Variants in ZNF283 observed in about 807,000 individuals in gnomAD.
The protein encoded by ZNF283 is zinc finger protein 283, also known as zinc finger protein 41.
ZNF283 carries 10 observed loss-of-function variants against 9.2 expected under a neutral mutation model. The ratio of observed to expected loss-of-function variants is 1.09; its 90% CI spans 0.67 to 1.85. The LOEUF (loss-of-function observed/expected upper bound fraction) is 1.85. ZNF283 is among the 40% of genes most tolerant of loss of function. ZNF283 has a pLI of 0.00. For missense variants in ZNF283, 631 were observed against 760.1 expected (o/e 0.83, Z 2.00); for synonymous variants, 234 against 244.1 (o/e 0.96, Z 0.38).
intron 6 of ZNF283, among the ~76,000 whole-genome samples, chr19:43,838,531 AGGT>A (rs1971072085): frequency 6.6e-6 from 1 of 152,152 alleles, no homozygotes; most frequent in Non-Finnish European, 1.5e-5. Flanking sequence ...GGGGAGGCTG[AGGT>A]GGCTGGATTG....
chr19:43,828,811 A>G (rs1338046261), intron 2 of ZNF283, among the ~76,000 whole-genome samples: 1 of 152,142 alleles, frequency 6.6e-6, no homozygotes, highest in African/African-American at 2.4e-5. Flanking sequence ...GTGAGCCACC[A>G]TGCCTGGCCC....
intron 4 of ZNF283, among the ~76,000 whole-genome samples, chr19:43,834,615 A>T (rs1441099994): frequency 1.3e-5 from 2 of 151,670 alleles, no homozygotes; most frequent in Non-Finnish European, 2.9e-5. Context: ...ATTTTTTTCG[A>T]GATGGAGTCT....
intron 1 of ZNF283, chr19:43,827,898 G>C (rs1463766744): frequency 2.6e-5 from 4 of 152,180 alleles, no homozygotes; most frequent in Non-Finnish European, 5.9e-5. Context: ...GGAAGTGTCC[G>C]CGGGACAGGA....
Position 43,831,307 on chromosome 19 carries a change from T to G in ZNF283, c.-64-11T>G, listed in dbSNP as rs755365027. ...TTGAAGGTGGTTTATCTCATTTGTG[T>G]TGATTTACAGGAGAATCTTGACAGT... On this transcript the variant is annotated splice_polypyrimidine_tract_variant and intron_variant, in intron 2 of 6. Coordinates refer to ENST00000618787, the MANE Select transcript of ZNF283 (RefSeq NM_181845.2). 4 of 1,585,810 alleles carry G rather than the reference T, an allele frequency of 2.5e-6. No individual in the cohort carries two copies. The highest frequency in any genetic ancestry group is 3.4e-6 in the Non-Finnish European group (4 of 1,171,410).
At chr19:43,844,893 T>A (rs1971348872) in intron 6 of ZNF283, among the ~76,000 whole-genome samples, 1 of 152,176 alleles carries the variant, frequency 6.6e-6, no homozygotes, top group Non-Finnish European at 1.5e-5. Flanking sequence ...TATTGAGGTA[T>A]AAAACCTAAT....
Position 43,850,334 on chromosome 19 carries a change from G to A in ZNF283, c.*1693G>A, listed in dbSNP as rs1549959. On this transcript the variant is annotated 3_prime_UTR_variant, in exon 7 of 7. Coordinates refer to ENST00000618787, the MANE Select transcript of ZNF283 (RefSeq NM_181845.2). ...CCAGTGCCAAGTTTGATCACTTATG[G>A]TAACTACTGGAGTTGTCTGTTATAA... 61,524 of 151,964 alleles carry A rather than the reference G, an allele frequency of 0.4. 12,875 individuals are homozygous for A. Among genetic ancestry groups the A allele is most frequent in the South Asian group, 0.55 (2,656 of 4,822 alleles). The allele number at this position is 151,964 out of a possible 1,614,324, so 9.4% of individuals were successfully genotyped here.
intron 6 of ZNF283, among the ~76,000 whole-genome samples, chr19:43,842,166 C>T (rs1341920435): frequency 6.6e-6 from 1 of 152,172 alleles, no homozygotes; most frequent in Non-Finnish European, 1.5e-5. Flanking sequence ...GTGCAACCCC[C>T]AGTCTTTTTA....
chr19:43,834,303 A>G (rs965652090), intron 4 of ZNF283, among the ~76,000 whole-genome samples: 3 of 152,142 alleles, frequency 2.0e-5, no homozygotes, highest in African/African-American at 7.2e-5. Flanking sequence ...AAAAAATGAA[A>G]AAAAAGGATG....
chr19:43,847,975 T>G lies in ZNF283; in HGVS notation c.1374T>G (p.Pro458=). 1 of 1,613,214 alleles carries G rather than the reference T, an allele frequency of 6.2e-7. No individual in the cohort carries two copies. Among genetic ancestry groups the G allele is most frequent in the East Asian group, 2.2e-5 (1 of 44,808 alleles). The change falls in exon 7 of 7, where the codon CCT becomes CCG. Residue 458 remains proline, a synonymous_variant. Transcript: ENST00000618787. ...AGAAAATCCATACTGGTGAGAAACCTTTTGAATGTAAGGAATGTGGGAAGG... is the reference window on the plus strand; with the variant it reads ...AGAAAATCCATACTGGTGAGAAACCGTTTGAATGTAAGGAATGTGGGAAGG... The part of the protein sequence containing the change: ...QHQKIHTGEK[P]FECKECGKAF...
Position 43,847,943 on chromosome 19 carries a change from C to A in ZNF283, c.1342C>A (p.Gln448Lys), listed in dbSNP as rs186025400. Residue 448 changes from glutamine (Q) to lysine (K), a missense_variant, in exon 7 of 7, where the codon CAA becomes AAA. By Grantham distance (53) the Gln-to-Lys change is moderately conservative. Transcript: ENST00000618787. ...KAFSRGYHLS[Q>K]HQKIHTGEKP... ...CTTTAGTCGTGGCTATCACCTTTCTCAACATCAGAAAATCCATACTGGTGA... is the reference window on the plus strand; with the variant it reads ...CTTTAGTCGTGGCTATCACCTTTCTAAACATCAGAAAATCCATACTGGTGA... 1,184 of 1,613,394 alleles carry A rather than the reference C, an allele frequency of 7.3e-4. No homozygotes were observed. The highest frequency in any genetic ancestry group is 9.2e-4 in the Admixed American group (55 of 59,940).
chr19:43,838,114 T>C (rs1971055384), intron 6 of ZNF283: 1 of 152,234 alleles, frequency 6.6e-6, no homozygotes, highest in East Asian at 1.9e-4. Flanking sequence ...TATTTCTTCA[T>C]GATTAGATTT....
At position 43,837,166 on chromosome 19, in the gene ZNF283, C is replaced by A; in HGVS notation, c.324C>A (p.Asn108Lys). The A allele has an allele frequency of 6.2e-7, 1 of 1,608,276 alleles. No individual in the cohort carries two copies. The highest frequency in any genetic ancestry group is 1.3e-5 in the African/African-American group (1 of 74,674). Reference sequence around the variant, plus strand: ...ATGTAATGTTGGAGAACTATAGTAACTTGGTGTCACTGGGTAAGGTCATCT... The same window carrying A: ...ATGTAATGTTGGAGAACTATAGTAAATTGGTGTCACTGGGTAAGGTCATCT... ...YVDVMLENYS[N>K]LVSLDLESKT... The change falls in exon 6 of 7, where the codon AAC (asparagine) becomes AAA (lysine). Residue 108 changes from asparagine to lysine, a missense_variant. Coordinates refer to ENST00000618787, the MANE Select transcript of ZNF283 (RefSeq NM_181845.2).
intron 5 of ZNF283, 116 bp from the exon 6 acceptor site, chr19:43,836,937 C>A: frequency 1.8e-6 from 2 of 1,137,546 alleles, no homozygotes; most frequent in Non-Finnish European, 2.5e-6. Context: ...AGGCTTTCAG[C>A]CTACTCGATT....
chr19:43,828,157 C>G (rs186432380), intron 1 of ZNF283, 45 bp from the exon 2 acceptor site: 1 of 151,232 alleles, frequency 6.6e-6, no homozygotes, highest in East Asian at 1.9e-4. Context: ...AAGTCTGTGA[C>G]GCGCTAGAAA....
intron 6 of ZNF283, among the ~76,000 whole-genome samples, chr19:43,846,175 GCAATA>G (rs1316053756): frequency 2.0e-5 from 3 of 152,002 alleles, no homozygotes; most frequent in African/African-American, 7.2e-5. Context: ...TCCTTAAATA[GCAATA>G]CAATTACTGT....
At position 43,847,989 on chromosome 19, in the gene ZNF283, A is replaced by G; in HGVS notation, c.1388A>G (p.Glu463Gly). ...GGTGAGAAACCTTTTGAATGTAAGGAATGTGGGAAGGCCTTTAGTTGGGGT... is the reference window on the plus strand; with the variant it reads ...GGTGAGAAACCTTTTGAATGTAAGGGATGTGGGAAGGCCTTTAGTTGGGGT... ...HTGEKPFECK[E>G]CGKAFSWGSS... Residue 463 changes from glutamate (E) to glycine (G), a missense_variant, in exon 7 of 7, where the codon GAA becomes GGA. This residue lies in a region of ZNF283 where 444 missense variants were observed against 522.5 expected (regional missense o/e 0.85). Coordinates refer to ENST00000618787, the MANE Select transcript of ZNF283 (RefSeq NM_181845.2). 1 of 1,614,070 alleles carries G rather than the reference A, an allele frequency of 6.2e-7. No homozygotes were observed. The highest frequency in any genetic ancestry group is 1.3e-5 in the African/African-American group (1 of 75,030).
chr19:43,830,689 G>C (rs1456478848), intron 2 of ZNF283, among the ~76,000 whole-genome samples: 3 of 151,984 alleles, frequency 2.0e-5, no homozygotes. Context: ...GATCACTTGA[G>C]GTCAGGAGTT....
chr19:43,847,477 A>C lies in ZNF283; in HGVS notation c.876A>C (p.Glu292Asp), dbSNP rs764798445. 2 of 1,613,832 alleles carry C rather than the reference A, an allele frequency of 1.2e-6. No individual in the cohort carries two copies. Among genetic ancestry groups the C allele is most frequent in the Admixed American group, 3.3e-5 (2 of 59,998 alleles). The stretch of plus-strand genomic sequence containing the variant: ...TTCACACTGGTGAGAAACCCTATGA[A>C]TGTAAAGAATGTGGGAAGGCCTTTA... ...ERIHTGEKPYECKECGKAFSR... is the reference protein window; with the variant it reads ...ERIHTGEKPYDCKECGKAFSR... Residue 292 changes from glutamate to aspartate, a missense_variant, in exon 7 of 7, where the codon GAA becomes GAC. Around this residue, in one of 3 missense-constraint regions of ZNF283, gnomAD observed 444 missense variants for 522.5 expected, o/e 0.85. Coordinates refer to ENST00000618787, the MANE Select transcript of ZNF283 (RefSeq NM_181845.2).
At chr19:43,838,538 T>A (rs1971072344) in intron 6 of ZNF283, among the ~76,000 whole-genome samples, 1 of 152,098 alleles carries the variant, frequency 6.6e-6, no homozygotes, top group Non-Finnish European at 1.5e-5. Flanking sequence ...CTGAGGTGGC[T>A]GGATTGCTTG....
Sources: gnomAD v4.1 joint callset for allele counts (sites outside exome capture counted in the v4.1 genomes callset) on GRCh38, gnomAD v4.1.1 for gene constraint, gnomAD v4.1.1 regional missense constraint, MANE v1.5 for transcripts, NCBI Gene and HGNC (gene_info 2026-07-23, HGNC 2026-07-21) for gene names.